CFAP95: variants seen among roughly 807,000 people sequenced by gnomAD.
CFAP95 encodes the protein cilia and flagella associated protein 95.
At chr9:69,891,344 C>T in the CFAP95 span, among the ~76,000 whole-genome samples, 1 of 152,118 alleles carries the variant, frequency 6.6e-6, no homozygotes, top group Non-Finnish European at 1.5e-5. Flanking sequence ...CTCAAGTCCC[C>T]CGGGACCCTG....
the CFAP95 span, among the ~76,000 whole-genome samples, chr9:69,855,354 C>G: frequency 6.6e-6 from 1 of 152,216 alleles, no homozygotes; most frequent in Non-Finnish European, 1.5e-5. Flanking sequence ...TACACTTGCT[C>G]TTAGCCAAAA....
At chr9:69,856,310 T>A in the CFAP95 span, among the ~76,000 whole-genome samples, 1 of 152,208 alleles carries the variant, frequency 6.6e-6, no homozygotes, top group African/African-American at 2.4e-5. Context: ...TATATTTAAT[T>A]GAATGCAGTT....
the CFAP95 span, among the ~76,000 whole-genome samples, chr9:69,899,449 T>C: frequency 6.0e-3 from 909 of 152,332 alleles, 6 homozygotes; most frequent in Non-Finnish European, 8.4e-3. Context: ...TAAATAGTTC[T>C]GCTTTCTATA....
At chr9:69,867,706 T>G in the CFAP95 span, among the ~76,000 whole-genome samples, 22 of 152,330 alleles carry the variant, frequency 1.4e-4, no homozygotes, top group Middle Eastern at 3.4e-3. Context: ...ACTTTCTGAT[T>G]CTCAGATCCT....
chr9:69,861,340 A>G, the CFAP95 span, among the ~76,000 whole-genome samples: 2 of 152,202 alleles, frequency 1.3e-5, no homozygotes, highest in Non-Finnish European at 2.9e-5. Context: ...ATATTTCCAG[A>G]TAAGCCTCTT....
chr9:69,858,059 G>T, the CFAP95 span: 1 of 1,353,088 alleles, frequency 7.4e-7, no homozygotes. Context: ...AGGTATGACA[G>T]GGTGAGCCAA....
At chr9:69,874,292 G>T in the CFAP95 span, among the ~76,000 whole-genome samples, 2 of 152,176 alleles carry the variant, frequency 1.3e-5, no homozygotes, top group African/African-American at 4.8e-5. Context: ...AGACGGTCAT[G>T]TCAGCCTAAT....
At chr9:69,898,204 C>G in the CFAP95 span, among the ~76,000 whole-genome samples, 2 of 152,238 alleles carry the variant, frequency 1.3e-5, no homozygotes, top group African/African-American at 4.8e-5. Context: ...TTCTTTGGAG[C>G]TTAGCAATTG....
At chr9:69,837,725 C>T in the CFAP95 span, among the ~76,000 whole-genome samples, 14 of 152,278 alleles carry the variant, frequency 9.2e-5, no homozygotes, top group Middle Eastern at 6.8e-3. Flanking sequence ...TGCAGAAGCT[C>T]TTTAGTTTAA....
the CFAP95 span, among the ~76,000 whole-genome samples, chr9:69,823,655 G>A: frequency 1.3e-5 from 2 of 152,186 alleles, no homozygotes; most frequent in South Asian, 2.1e-4. Flanking sequence ...CACCAAACAG[G>A]CTCTGTGTGA....
the CFAP95 span, chr9:69,821,007 C>G: frequency 6.2e-7 from 1 of 1,613,724 alleles, no homozygotes; most frequent in Non-Finnish European, 8.5e-7. Flanking sequence ...AAGAAATACT[C>G]GAAGCCGGTG....
chr9:69,883,479 C>T, the CFAP95 span, among the ~76,000 whole-genome samples: 11 of 152,122 alleles, frequency 7.2e-5, no homozygotes. Flanking sequence ...AGCCATTAGG[C>T]TGATGCCCTT....
the CFAP95 span, among the ~76,000 whole-genome samples, chr9:69,896,900 T>A: frequency 3.1e-4 from 47 of 151,944 alleles, no homozygotes; most frequent in African/African-American, 1.1e-3. Flanking sequence ...GAAAAAAAAA[T>A]TTTGAAAAAA....
the CFAP95 span, among the ~76,000 whole-genome samples, chr9:69,866,118 C>T: frequency 6.6e-6 from 1 of 152,186 alleles, no homozygotes; most frequent in Non-Finnish European, 1.5e-5. Flanking sequence ...CTGGCACATA[C>T]TTAAGTTTCC....
At chr9:69,863,553 C>G in the CFAP95 span, among the ~76,000 whole-genome samples, 1 of 152,086 alleles carries the variant, frequency 6.6e-6, no homozygotes, top group Non-Finnish European at 1.5e-5. Flanking sequence ...TCAAAAGGCC[C>G]CAGTATATCT....
the CFAP95 span, among the ~76,000 whole-genome samples, chr9:69,859,830 C>T: frequency 6.6e-6 from 1 of 152,192 alleles, no homozygotes; most frequent in South Asian, 2.1e-4. Flanking sequence ...AGACTATCAA[C>T]CTGTACAGCA....
the CFAP95 span, among the ~76,000 whole-genome samples, chr9:69,843,609 CTTCTTCTTCTTCTTCTTCTTCCT>C: frequency 2.1e-4 from 16 of 74,618 alleles, no homozygotes; most frequent in African/African-American, 1.3e-3. Flanking sequence ...TCTTCTTCTT[CTTCTTCTTCTTCTTCTTCTTCCT>C]CCTCCTCCTC....
chr9:69,827,712 T>C, the CFAP95 span, among the ~76,000 whole-genome samples: 2 of 152,212 alleles, frequency 1.3e-5, no homozygotes, highest in Non-Finnish European at 2.9e-5. Flanking sequence ...TGTTGGTTTG[T>C]TGAGGACTTG....
At chr9:69,831,828 G>A in the CFAP95 span, among the ~76,000 whole-genome samples, 33 of 152,174 alleles carry the variant, frequency 2.2e-4, no homozygotes, top group African/African-American at 5.8e-4. Context: ...TTTTTGTTGC[G>A]TAATGACTGG....
Sources: gnomAD v4.1 joint callset for allele counts (sites outside exome capture counted in the v4.1 genomes callset) on GRCh38, gnomAD v4.1.1 for gene constraint, MANE v1.5 for transcripts, NCBI Gene and HGNC (gene_info 2026-07-23, HGNC 2026-07-21) for gene names.